The following NRXN3 variants were observed in gnomAD, a reference collection of about 807,000 sequenced individuals.
The protein encoded by NRXN3 is neurexin III.
In NRXN3, 32 loss-of-function variants were observed where a neutral mutation model predicts 137.6. The observed-to-expected ratio is 0.23, with a 90% CI of 0.18 to 0.31. NRXN3 has a LOEUF of 0.31. Ranked by LOEUF, NRXN3 falls within the 10% of genes least tolerant of loss-of-function variation. The pLI, the probability that NRXN3 is intolerant of heterozygous loss-of-function variation, is 1.00. For synonymous variants in NRXN3, 798 were observed against 784.5 expected (o/e 1.02, Z -0.29); for missense variants, 1,574 against 2,062.5 (o/e 0.76, Z 4.59).
At chr14:78,778,673 TTTTCTTTTC>T (rs1179924087) in intron 8 of NRXN3, among the ~76,000 whole-genome samples, 2 of 144,112 alleles carry the variant, frequency 1.4e-5, no homozygotes, top group African/African-American at 5.0e-5. Flanking sequence ...TTCTTTTCTC[TTTTCTTTTC>T]TTTCTTTCTT....
At chr14:78,354,085 A>G (rs1003182215) in intron 4 of NRXN3, among the ~76,000 whole-genome samples, 2 of 152,212 alleles carry the variant, frequency 1.3e-5, no homozygotes, top group African/African-American at 4.8e-5. Flanking sequence ...TTGCCGTCTA[A>G]TAGATTTGCC....
intron 4 of NRXN3, among the ~76,000 whole-genome samples, chr14:78,484,721 G>C (rs1342434596): frequency 1.3e-5 from 2 of 152,184 alleles, no homozygotes; most frequent in Non-Finnish European, 2.9e-5. Context: ...AAGCATACCA[G>C]TGATCTGGTG....
chr14:79,499,970 T>TGC (rs1307914641), intron 16 of NRXN3, among the ~76,000 whole-genome samples: 1 of 151,530 alleles, frequency 6.6e-6, no homozygotes, highest in African/African-American at 2.4e-5. Context: ...TGTGTGTGTG[T>TGC]GTGTGTGTGT....
In NRXN3 at chr14:79,273,172, CAAAAA is replaced by C. The variant is rs1163073631; in HGVS notation, c.3263-194025_3263-194021del. 2.9e-4 allele frequency among the ~76,000 whole-genome samples: 6 copies of C among 20,756 alleles called. No individual in the cohort carries two copies. The East Asian group carries it at 0.011, about 37-fold the overall frequency. The allele number at this position is 20,756 out of a possible 152,430, so 13.6% of individuals were successfully genotyped here. ...GGGCGGCAATGCAAGACTCTGTGGC[CAAAAA>C]AAAAAAAAAAAAAAAAAAAAAAATG... On this transcript the variant is annotated intron_variant, in intron 15 of 20. Transcript: ENST00000335750.
chr14:79,315,717 TA>T (rs1263524008), intron 15 of NRXN3, among the ~76,000 whole-genome samples: 6 of 152,176 alleles, frequency 3.9e-5, no homozygotes, highest in Non-Finnish European at 2.9e-5. Context: ...TCCTTTAATA[TA>T]AAAAAGGGAT....
At chr14:78,739,192 G>A (rs972298998) in intron 8 of NRXN3, among the ~76,000 whole-genome samples, 10 of 152,152 alleles carry the variant, frequency 6.6e-5, no homozygotes, top group Non-Finnish European at 1.5e-4. Context: ...AGTAGTTTAG[G>A]CAAATAAAGA....
chr14:78,829,483 A>G (rs1291288753), intron 10 of NRXN3, among the ~76,000 whole-genome samples: 4 of 152,142 alleles, frequency 2.6e-5, no homozygotes, highest in Non-Finnish European at 5.9e-5. Context: ...GGATTTCACC[A>G]TAGTCAATGG....
At chr14:78,753,277 GAAAA>G (rs368910714) in intron 8 of NRXN3, among the ~76,000 whole-genome samples, 1 of 150,308 alleles carries the variant, frequency 6.7e-6, no homozygotes, top group African/African-American at 2.4e-5. Flanking sequence ...GAGCAAAACA[GAAAA>G]AAAAAATTCT....
chr14:79,058,371 T>A (rs1470207328), intron 15 of NRXN3, among the ~76,000 whole-genome samples: 4 of 151,734 alleles, frequency 2.6e-5, no homozygotes, highest in African/African-American at 4.8e-5. Flanking sequence ...AAGATCAAAG[T>A]GAAACAGACA....
chr14:79,561,982 G>A (rs915978916), intron 16 of NRXN3, among the ~76,000 whole-genome samples: 1 of 152,096 alleles, frequency 6.6e-6, no homozygotes, highest in South Asian at 2.1e-4. Context: ...TTCAGAAAGG[G>A]TTTAATGACA....
chr14:79,617,222 C>T (rs774858747), intron 16 of NRXN3, among the ~76,000 whole-genome samples: 4 of 152,102 alleles, frequency 2.6e-5, no homozygotes, highest in East Asian at 1.9e-4. Flanking sequence ...ATATAAAGAG[C>T]GTTTGTTGCC....
At chr14:79,051,256 C>G (rs1431773919) in intron 15 of NRXN3, among the ~76,000 whole-genome samples, 3 of 152,100 alleles carry the variant, frequency 2.0e-5, no homozygotes, top group African/African-American at 7.2e-5. Context: ...TGATGAAAAC[C>G]TATGAGTGAC....
intron 15 of NRXN3, among the ~76,000 whole-genome samples, chr14:79,308,759 A>G (rs2086592586): frequency 6.6e-6 from 1 of 151,268 alleles, no homozygotes. Context: ...ATCACTAAGA[A>G]CGCAATTGAG....
chr14:79,290,098 T>C (rs2082925766), intron 15 of NRXN3, among the ~76,000 whole-genome samples: 1 of 152,210 alleles, frequency 6.6e-6, no homozygotes, highest in Non-Finnish European at 1.5e-5. Flanking sequence ...TTTCAACTAT[T>C]TCCGAGGCAG....
chr14:78,200,487 T>A (rs960189811), intron 1 of NRXN3, among the ~76,000 whole-genome samples: 3 of 152,120 alleles, frequency 2.0e-5, no homozygotes, highest in Non-Finnish European at 4.4e-5. Flanking sequence ...CACCCCAGAC[T>A]TCCTGAATCT....
intron 15 of NRXN3, among the ~76,000 whole-genome samples, chr14:79,260,859 A>G (rs1223435340): frequency 6.6e-6 from 1 of 152,198 alleles, no homozygotes; most frequent in Non-Finnish European, 1.5e-5. Context: ...GTACCTGGCC[A>G]CATAGGAAAT....
chr14:79,229,502 G>A (rs1027687782), intron 15 of NRXN3, among the ~76,000 whole-genome samples: 4 of 152,190 alleles, frequency 2.6e-5, no homozygotes, highest in Admixed American at 6.5e-5. Context: ...TTGGGTGGTA[G>A]ATAAATAGCA....
intron 4 of NRXN3, among the ~76,000 whole-genome samples, chr14:78,491,838 T>C (rs1402594508): frequency 6.6e-6 from 1 of 152,162 alleles, no homozygotes; most frequent in Non-Finnish European, 1.5e-5. Context: ...TGAGAATGTG[T>C]CTATAAAATT....
intron 8 of NRXN3, among the ~76,000 whole-genome samples, chr14:78,777,286 A>C (rs1206377222): frequency 6.6e-6 from 1 of 152,204 alleles, no homozygotes; most frequent in Non-Finnish European, 1.5e-5. Flanking sequence ...GGCACATGGC[A>C]CAGAACAAAA....
Sources: gnomAD v4.1 joint callset for allele counts (sites outside exome capture counted in the v4.1 genomes callset) on GRCh38, gnomAD v4.1.1 for gene constraint, MANE v1.5 for transcripts, NCBI Gene and HGNC (gene_info 2026-07-23, HGNC 2026-07-21) for gene names.